The following RABGAP1 variants were observed in gnomAD, a reference collection of about 807,000 sequenced individuals.
RABGAP1 encodes rab GTPase-activating protein 1.
Under a neutral mutation model 137.6 loss-of-function variants are expected in RABGAP1, and 23 were observed. That is an observed-to-expected ratio of 0.17 (90% CI 0.12 to 0.24). RABGAP1 has a LOEUF of 0.24. Ranked by LOEUF, RABGAP1 falls within the 10% of genes least tolerant of loss-of-function variation. The probability of loss-of-function intolerance (pLI) is 1.00; values close to 1 mark genes in which losing one functional copy is unlikely to be tolerated. For synonymous variants in RABGAP1, 451 were observed against 450.7 expected (o/e 1.00, Z -0.01); for missense variants, 906 against 1,275.8 (o/e 0.71, Z 4.42).
rs568246557 is a variant in RABGAP1, at chr9:123,058,906, C to A, written c.1795-6442C>A. Among the ~76,000 whole-genome samples the A allele has an allele frequency of 7.9e-5, 12 of 152,244 alleles. No individual in the cohort carries two copies. The East Asian group carries it at 2.3e-3, about 29-fold the overall frequency. The stretch of plus-strand genomic sequence containing the variant: ...TCTCTTTGTAATGCTCCAGTCTTCC[C>A]CCAGCATGCCCCAGATACTCAGGAT... On this transcript the variant is annotated intron_variant, in intron 13 of 25. Coordinates refer to ENST00000373647, the MANE Select transcript of RABGAP1 (RefSeq NM_012197.4).
Position 123,055,831 on chromosome 9 carries a change from G to A in RABGAP1, c.1795-9517G>A, listed in dbSNP as rs188771038. ...CTCCCAGAGTGCTGGGAGTACAGGC[G>A]TGAGCCACCGTGCCTGGCCATTTAT... On this transcript the variant is annotated intron_variant, in intron 13 of 25. Coordinates refer to ENST00000373647, the MANE Select transcript of RABGAP1 (RefSeq NM_012197.4). 5.9e-3 allele frequency among the ~76,000 whole-genome samples: 903 copies of A among 152,274 alleles called. 4 individuals carry two copies. Among genetic ancestry groups the A allele is most frequent in the Non-Finnish European group, 8.8e-3 (598 of 68,020 alleles).
intron 13 of RABGAP1, among the ~76,000 whole-genome samples, chr9:123,059,430 C>T (rs2033878214): frequency 1.3e-5 from 2 of 152,082 alleles, no homozygotes; most frequent in Admixed American, 6.6e-5. Context: ...TGGCGGGCAC[C>T]TGTAGTCCCA....
intron 21 of RABGAP1, among the ~76,000 whole-genome samples, chr9:123,091,851 A>G (rs747763882): frequency 3.9e-5 from 6 of 152,022 alleles, no homozygotes; most frequent in South Asian, 2.1e-4. Context: ...TTACGGTGCA[A>G]ATTCCCAGCA....
In RABGAP1 at chr9:122,986,264, A is replaced by T; in HGVS notation, c.435A>T (p.Val145=). 1.2e-6 allele frequency: 2 copies of T among 1,614,194 alleles called. No homozygotes were observed. The highest frequency in any genetic ancestry group is 1.7e-6 in the Non-Finnish European group (2 of 1,180,016). Residue 145 remains valine (V), a synonymous_variant, in exon 4 of 26, where the codon GTA becomes GTT. Coordinates refer to ENST00000373647, the MANE Select transcript of RABGAP1 (RefSeq NM_012197.4). ...PFTPVADEDS[V]VFSKLTYLGC... ...CACCAGTGGCCGATGAGGACAGCGT[A>T]GTTTTCAGTAAACTGACTTACTTAG...
intron 19 of RABGAP1, among the ~76,000 whole-genome samples, chr9:123,087,616 C>G (rs1006558100): frequency 1.3e-5 from 2 of 152,192 alleles, no homozygotes; most frequent in South Asian, 2.1e-4. Flanking sequence ...TTAAAGATGT[C>G]CTGCTCCAGT....
Position 123,070,491 on chromosome 9 carries a change from T to C in RABGAP1, c.1983+67T>C, listed in dbSNP as rs556129568. On this transcript the variant is annotated intron_variant, in intron 15 of 25. Coordinates refer to ENST00000373647, the MANE Select transcript of RABGAP1 (RefSeq NM_012197.4). The surrounding 1 kb of genome is among the most constrained non-coding windows in gnomAD (Gnocchi z 4.4). The stretch of plus-strand genomic sequence containing the variant: ...CCTCAGCTTATACTAACCTTAGGCT[T>C]GAGCATGGTTTTATATTGGGTTTGG... The C allele has an allele frequency of 5.6e-6, 9 of 1,608,878 alleles. No homozygotes were observed. Among genetic ancestry groups the C allele is most frequent in the Non-Finnish European group, 6.8e-6 (8 of 1,177,806 alleles).
chr9:123,019,501 A>G (rs935982551), intron 12 of RABGAP1, among the ~76,000 whole-genome samples: 1 of 151,938 alleles, frequency 6.6e-6, no homozygotes, highest in Non-Finnish European at 1.5e-5. Context: ...TTCTGTAGAC[A>G]CGGGGTTCTT....
chr9:122,986,727 A>T (rs2063591866), intron 4 of RABGAP1, among the ~76,000 whole-genome samples: 1 of 152,216 alleles, frequency 6.6e-6, no homozygotes, highest in African/African-American at 2.4e-5. Context: ...TTTGATGAAA[A>T]TACAAGCTTG....
chr9:123,102,327 C>T (rs1337113918), intron 25 of RABGAP1, among the ~76,000 whole-genome samples: 1 of 152,158 alleles, frequency 6.6e-6, no homozygotes, highest in Non-Finnish European at 1.5e-5. Context: ...ATACACATTG[C>T]TAGGTCCACC....
intron 10 of RABGAP1, among the ~76,000 whole-genome samples, chr9:123,002,999 T>G (rs902252132): frequency 2.6e-5 from 4 of 152,156 alleles, no homozygotes; most frequent in Admixed American, 6.6e-5. Context: ...GTCTTTGTGT[T>G]TGTGCGGGGA....
At position 123,026,743 on chromosome 9, in the gene RABGAP1, G is replaced by A. The variant is rs76193776; in HGVS notation, c.1794+6284G>A. 5.2e-3 allele frequency among the ~76,000 whole-genome samples: 785 copies of A among 152,270 alleles called. 9 individuals are homozygous for A. Among genetic ancestry groups the A allele is most frequent in the Non-Finnish European group, 8.0e-3 (545 of 68,018 alleles). ...ATAAGTTGGAGTTGAAAATGAAGGG[G>A]AAACAAAGGCACTTTCTTGTTCCCG... On this transcript the variant is annotated intron_variant, in intron 13 of 25. Coordinates refer to ENST00000373647, the MANE Select transcript of RABGAP1 (RefSeq NM_012197.4).
At chr9:122,959,580 C>T (rs1270887617) in intron 2 of RABGAP1, among the ~76,000 whole-genome samples, 3 of 152,066 alleles carry the variant, frequency 2.0e-5, no homozygotes, top group African/African-American at 7.2e-5. Context: ...AACATTTATT[C>T]AAGAAAATTC....
At chr9:123,007,170 T>C (rs1020606372) in intron 10 of RABGAP1, among the ~76,000 whole-genome samples, 1 of 151,730 alleles carries the variant, frequency 6.6e-6, no homozygotes, top group Non-Finnish European at 1.5e-5. Context: ...ACCTCCCAGG[T>C]TCAAGTGATT....
intron 2 of RABGAP1, among the ~76,000 whole-genome samples, chr9:122,962,049 C>T (rs1374744916): frequency 6.6e-6 from 1 of 151,960 alleles, no homozygotes; most frequent in Non-Finnish European, 1.5e-5. Flanking sequence ...ATAATTGTGA[C>T]AATGTATTGT....
At chr9:123,073,753 A>T in intron 16 of RABGAP1, 76 bp downstream of exon 16, 3 of 1,579,236 alleles carry the variant, frequency 1.9e-6, no homozygotes, top group Non-Finnish European at 8.6e-7. Flanking sequence ...AAATGGTGCC[A>T]GGGAGCATTG....
intron 13 of RABGAP1, among the ~76,000 whole-genome samples, chr9:123,050,153 T>C (rs2033391596): frequency 6.6e-6 from 1 of 152,232 alleles, no homozygotes; most frequent in African/African-American, 2.4e-5. Context: ...GTTACCTCCA[T>C]GTTCATGGGT....
chr9:122,966,381 G>A (rs1047431317), intron 2 of RABGAP1, among the ~76,000 whole-genome samples: 8 of 151,944 alleles, frequency 5.3e-5, no homozygotes, highest in South Asian at 4.2e-4. Context: ...AAAATTAGCC[G>A]GTCATGGTGG....
chr9:123,033,300 C>A (rs1229329529), intron 13 of RABGAP1, among the ~76,000 whole-genome samples: 1 of 152,082 alleles, frequency 6.6e-6, no homozygotes, highest in African/African-American at 2.4e-5. Flanking sequence ...AGAAATTACC[C>A]CTCTGGTAGT....
intron 2 of RABGAP1, among the ~76,000 whole-genome samples, chr9:122,965,525 AG>A (rs1265717661): frequency 6.6e-6 from 1 of 152,168 alleles, no homozygotes; most frequent in Non-Finnish European, 1.5e-5. Context: ...CTGGGATTAC[AG>A]GCATGCACCA....
Sources: allele counts gnomAD v4.1 joint callset (sites outside exome capture counted in the v4.1 genomes callset), GRCh38; gene constraint gnomAD v4.1.1; non-coding constraint Gnocchi (gnomAD v3.1); transcripts MANE v1.5; gene names NCBI Gene and HGNC (gene_info 2026-07-23, HGNC 2026-07-21).